Variants in CFDP1 observed in about 807,000 individuals in gnomAD.
The protein encoded by CFDP1 is heterochromatin-stabilizing protein CFDP1.
A neutral mutation model predicts 40.1 loss-of-function variants in CFDP1; 31 were observed. The ratio of observed to expected loss-of-function variants is 0.77; its 90% CI spans 0.58 to 1.04. CFDP1 has a LOEUF of 1.04. Ranked by LOEUF, CFDP1 falls within the 50% of genes least tolerant of loss-of-function variation. The probability of loss-of-function intolerance (pLI) is 0.00; values close to 1 mark genes in which losing one functional copy is unlikely to be tolerated. For missense variants in CFDP1, 423 were observed against 343.4 expected, an observed-to-expected ratio of 1.23 and a Z score of -1.83; for synonymous variants, 167 against 120.0, an observed-to-expected ratio of 1.39 and a Z score of -2.56.
chr16:75,308,269 G>A lies in CFDP1; in HGVS notation c.651-3087C>T, dbSNP rs528390238. 3.3e-5 allele frequency among the ~76,000 whole-genome samples: 5 copies of A among 152,234 alleles called. No individual in the cohort carries two copies. In the East Asian group the frequency reaches 9.7e-4, roughly 29 times the overall value. On this transcript the variant is annotated intron_variant, in intron 5 of 6. Transcript: ENST00000283882. ...TGGAATGCTTCTCAGAAGTTCTGGT[G>A]GCATCAAGCCCTCGTGGCCTTGGAA...
intron 5 of CFDP1, among the ~76,000 whole-genome samples, chr16:75,315,574 A>G (rs909386690): frequency 2.6e-5 from 4 of 152,120 alleles, no homozygotes; most frequent in Admixed American, 2.0e-4. Flanking sequence ...CCCCAACTTT[A>G]TAGTTTGAAA....
intron 6 of CFDP1, among the ~76,000 whole-genome samples, chr16:75,302,636 G>T (rs1250223807): frequency 6.6e-6 from 1 of 152,236 alleles, no homozygotes; most frequent in Non-Finnish European, 1.5e-5. Flanking sequence ...AAGCAATAAT[G>T]TGTAGCACAC....
intron 5 of CFDP1, among the ~76,000 whole-genome samples, chr16:75,316,570 A>G (rs973893837): frequency 2.8e-3 from 311 of 110,546 alleles, no homozygotes; most frequent in Middle Eastern, 0.021. Context: ...GACCCTGTCT[A>G]AAAAAAAAAA....
chr16:75,337,065 A>T (rs1002302197), intron 5 of CFDP1, among the ~76,000 whole-genome samples: 1 of 152,144 alleles, frequency 6.6e-6, no homozygotes, highest in African/African-American at 2.4e-5. Context: ...TCTGCCATGC[A>T]CAAGTTTTTA....
At chr16:75,351,519 A>C (rs1483473401) in intron 5 of CFDP1, among the ~76,000 whole-genome samples, 2 of 152,232 alleles carry the variant, frequency 1.3e-5, no homozygotes, top group Non-Finnish European at 2.9e-5. Context: ...TATTTGTCAA[A>C]TATAAAACAC....
chr16:75,404,494 T>C lies in CFDP1; in HGVS notation c.530+7331A>G, dbSNP rs2079082043. ...CCTCGGCCTCCCAAAGTGCTGGGAA[T>C]ACAGGCATGAGCCACCGCGCCCGGC... is the stretch of plus-strand genomic sequence containing the variant. On this transcript the variant is annotated intron_variant, in intron 4 of 6. Transcript: ENST00000283882. 2.6e-5 allele frequency among the ~76,000 whole-genome samples: 4 copies of C among 152,096 alleles called. No individual in the cohort carries two copies. The East Asian group carries it at 5.8e-4, about 22-fold the overall frequency.
chr16:75,406,807 T>C (rs1244480120), intron 4 of CFDP1: 1 of 152,056 alleles, frequency 6.6e-6, no homozygotes, highest in Non-Finnish European at 1.5e-5. Context: ...GGAGCATCAC[T>C]TGAGGTCAGG....
intron 5 of CFDP1, chr16:75,305,418 C>G: frequency 2.0e-6 from 1 of 489,490 alleles, no homozygotes; most frequent in Non-Finnish European, 3.7e-6. Context: ...AACAGGAAAT[C>G]CTGCCTTCTT....
chr16:75,374,537 C>A (rs573240698), intron 5 of CFDP1, among the ~76,000 whole-genome samples: 2 of 151,544 alleles, frequency 1.3e-5, no homozygotes, highest in Non-Finnish European at 1.5e-5. Context: ...ATAAAATGGG[C>A]GGGGCATAGT....
At chr16:75,359,758 C>T (rs1304530301) in intron 5 of CFDP1, among the ~76,000 whole-genome samples, 1 of 152,136 alleles carries the variant, frequency 6.6e-6, no homozygotes, top group Non-Finnish European at 1.5e-5. Context: ...CAGAGCAAAA[C>T]GATAACAGCC....
intron 5 of CFDP1, among the ~76,000 whole-genome samples, chr16:75,306,741 G>C (rs535302802): frequency 3.9e-4 from 59 of 152,252 alleles, no homozygotes; most frequent in African/African-American, 1.3e-3. Context: ...TGACTTGAGA[G>C]ATTTTCTCAT....
intron 5 of CFDP1, among the ~76,000 whole-genome samples, chr16:75,346,048 C>A (rs1295338844): frequency 6.6e-6 from 1 of 152,200 alleles, no homozygotes; most frequent in East Asian, 1.9e-4. Flanking sequence ...CAACACGGAA[C>A]AATGGCTCAA....
intron 5 of CFDP1, among the ~76,000 whole-genome samples, chr16:75,320,379 C>G (rs185469853): frequency 1.3e-5 from 2 of 151,560 alleles, no homozygotes; most frequent in Non-Finnish European, 2.9e-5. Context: ...GGCTGGCAAA[C>G]GAAGAAGGTC....
chr16:75,428,801 A>T (rs2079373312), intron 1 of CFDP1, among the ~76,000 whole-genome samples: 2 of 152,214 alleles, frequency 1.3e-5, no homozygotes, highest in East Asian at 3.9e-4. Context: ...TCATACCAAG[A>T]TATATCATGG....
Position 75,411,967 on chromosome 16 carries a change from A to G in CFDP1, c.403-15T>C. On this transcript the variant is annotated splice_polypyrimidine_tract_variant and intron_variant, in intron 3 of 6. Coordinates refer to ENST00000283882, the MANE Select transcript of CFDP1 (RefSeq NM_006324.3). ...TCCTCTCCTTTCTATAAAAAAAACAAGAAATGTAATGTTTCACCAAAAGAT... is the reference window on the plus strand; with the variant it reads ...TCCTCTCCTTTCTATAAAAAAAACAGGAAATGTAATGTTTCACCAAAAGAT... 2 of 1,580,336 alleles carry G rather than the reference A, an allele frequency of 1.3e-6. No individual in the cohort carries two copies. The highest frequency in any genetic ancestry group is 1.7e-6 in the Non-Finnish European group (2 of 1,171,874).
chr16:75,358,413 CTTT>C (rs1446471633), intron 5 of CFDP1, among the ~76,000 whole-genome samples: 1 of 151,908 alleles, frequency 6.6e-6, no homozygotes, highest in Non-Finnish European at 1.5e-5. Context: ...TATTCTAAAG[CTTT>C]TTTAATAAAA....
chr16:75,312,960 A>G (rs1001811458), intron 5 of CFDP1, among the ~76,000 whole-genome samples: 2 of 152,170 alleles, frequency 1.3e-5, no homozygotes, highest in Non-Finnish European at 2.9e-5. Flanking sequence ...TGACAGTGAA[A>G]TGGACTTTTT....
At chr16:75,412,469 G>T in intron 3 of CFDP1, 66 bp downstream of exon 3, 1 of 1,245,170 alleles carries the variant, frequency 8.0e-7, no homozygotes, top group Non-Finnish European at 1.2e-6. Flanking sequence ...ATTTCCGTAG[G>T]CTTCAAATCT....
intron 5 of CFDP1, among the ~76,000 whole-genome samples, chr16:75,390,617 C>G (rs2078940223): frequency 6.6e-6 from 1 of 152,206 alleles, no homozygotes. Context: ...AAAGTGTTCT[C>G]ACAGTTTTAA....
Sources: allele counts gnomAD v4.1 joint callset (sites outside exome capture counted in the v4.1 genomes callset), GRCh38; gene constraint gnomAD v4.1.1; transcripts MANE v1.5; gene names NCBI Gene and HGNC (gene_info 2026-07-23, HGNC 2026-07-21).